The following RNF180 variants were observed in gnomAD, a reference collection of about 807,000 sequenced individuals.
RNF180 encodes E3 ubiquitin-protein ligase RNF180.
Under a neutral mutation model 59.2 loss-of-function variants are expected in RNF180, and 38 were observed. The observed-to-expected ratio is 0.64, with a 90% CI of 0.50 to 0.84. The LOEUF is 0.84. RNF180 is among the 40% of genes least tolerant of loss of function. The probability of loss-of-function intolerance (pLI) is 0.00; values close to 1 mark genes in which losing one functional copy is unlikely to be tolerated. For synonymous variants in RNF180, 262 were observed against 240.3 expected, an observed-to-expected ratio of 1.09 and a Z score of -0.84; for missense variants, 705 against 700.9, an observed-to-expected ratio of 1.01 and a Z score of -0.07.
At chr5:64,348,302 A>G (rs1433326872) in intron 7 of RNF180, among the ~76,000 whole-genome samples, 1 of 152,082 alleles carries the variant, frequency 6.6e-6, no homozygotes, top group African/African-American at 2.4e-5. Flanking sequence ...AAGCTATAGG[A>G]TAATTTCTAA....
intron 5 of RNF180, among the ~76,000 whole-genome samples, chr5:64,234,685 C>T (rs752976923): frequency 4.2e-5 from 6 of 142,802 alleles, no homozygotes; most frequent in Admixed American, 7.1e-5. Flanking sequence ...CTGCAAGCTC[C>T]GCCTCCCGGG....
rs1216702823 is a variant in RNF180 at position 64,371,405 on chromosome 5, TC to T, written c.*1593del. ...TTAAGAACTTTAAATTGCAGCCATT[TC>T]CTAGGCAACTTCTGGTTTATACACT... On this transcript the variant is annotated 3_prime_UTR_variant, in exon 8 of 8. Transcript: ENST00000389100. The T allele has an allele frequency of 6.6e-6, 1 of 151,686 alleles. No homozygotes were observed. The highest frequency in any genetic ancestry group is 1.5e-5 in the Non-Finnish European group (1 of 67,708). The allele number at this position is 151,686 out of a possible 1,614,324, so 9.4% of individuals were successfully genotyped here. A position where few individuals can be genotyped will look rare whatever the true frequency, so the allele number is the denominator to read the frequency against.
intron 5 of RNF180, among the ~76,000 whole-genome samples, chr5:64,220,993 T>A (rs1741295489): frequency 6.6e-6 from 1 of 152,082 alleles, no homozygotes; most frequent in Non-Finnish European, 1.5e-5. Context: ...CTTATTTGGT[T>A]TTATCTAGCA....
chr5:64,369,259 G>A (rs1164080347), intron 7 of RNF180, among the ~76,000 whole-genome samples: 10 of 151,906 alleles, frequency 6.6e-5, no homozygotes, highest in East Asian at 5.9e-4. Context: ...GAATCGAACA[G>A]TGAGAACACA....
At chr5:64,351,215 T>C (rs894179486) in intron 7 of RNF180, among the ~76,000 whole-genome samples, 5 of 152,300 alleles carry the variant, frequency 3.3e-5, no homozygotes, top group South Asian at 2.1e-4. Context: ...TTGTCTGTTA[T>C]TGGTGTATAA....
intron 1 of RNF180, among the ~76,000 whole-genome samples, chr5:64,174,504 T>C (rs1176740628): frequency 6.6e-6 from 1 of 152,150 alleles, no homozygotes; most frequent in African/African-American, 2.4e-5. Context: ...GCCATTCTAA[T>C]TGGGGTGAGA....
chr5:64,270,333 C>T (rs1332913871), intron 5 of RNF180, among the ~76,000 whole-genome samples: 1 of 152,046 alleles, frequency 6.6e-6, no homozygotes, highest in Non-Finnish European at 1.5e-5. Context: ...ATTTGCTGGA[C>T]CAGGAAAAGG....
chr5:64,306,601 T>G lies in RNF180; in HGVS notation c.1228-18585T>G, dbSNP rs539124965. 2.0e-5 allele frequency among the ~76,000 whole-genome samples: 3 copies of G among 150,774 alleles called. No homozygotes were observed. The South Asian group carries it at 6.3e-4, about 32-fold the overall frequency. On this transcript the variant is annotated intron_variant, in intron 5 of 7. Transcript: ENST00000389100. The stretch of plus-strand genomic sequence containing the variant: ...AATGTCCAACAATGATAGACTGGAG[T>G]AAGAAAACATGGCACATACACACCA...
At chr5:64,205,865 C>T (rs556826230) in intron 2 of RNF180, among the ~76,000 whole-genome samples, 3 of 150,626 alleles carry the variant, frequency 2.0e-5, no homozygotes, top group Middle Eastern at 6.8e-3. Context: ...GGAACACTTA[C>T]AGGATAGACA....
intron 1 of RNF180, among the ~76,000 whole-genome samples, chr5:64,176,579 T>C (rs1750248718): frequency 6.6e-6 from 1 of 152,170 alleles, no homozygotes; most frequent in Non-Finnish European, 1.5e-5. Context: ...CTGAGTTTCA[T>C]AAAAAAGCTG....
At chr5:64,344,804 C>A (rs760769580) in intron 7 of RNF180, among the ~76,000 whole-genome samples, 16 of 151,850 alleles carry the variant, frequency 1.1e-4, no homozygotes, top group South Asian at 2.1e-4. Flanking sequence ...AGTAACCTGT[C>A]ATACATTTCT....
chr5:64,311,925 A>G (rs1485449114), intron 5 of RNF180, among the ~76,000 whole-genome samples: 1 of 151,946 alleles, frequency 6.6e-6, no homozygotes, highest in Non-Finnish European at 1.5e-5. Flanking sequence ...TGGATATCCG[A>G]TATTATGCAA....
chr5:64,177,635 A>G (rs1353464382), intron 1 of RNF180, among the ~76,000 whole-genome samples: 2 of 150,118 alleles, frequency 1.3e-5, no homozygotes, highest in African/African-American at 2.4e-5. Flanking sequence ...ATGTCAGCTT[A>G]TAAGGTTAGA....
At chr5:64,189,187 C>T (rs1390580276) in intron 1 of RNF180, among the ~76,000 whole-genome samples, 1 of 151,956 alleles carries the variant, frequency 6.6e-6, no homozygotes, top group East Asian at 1.9e-4. Context: ...GCCACCCAGT[C>T]TATGGTATTG....
In RNF180 at chr5:64,371,884, C is replaced by A. The variant is rs1234109668; in HGVS notation, c.*2070C>A. The A allele has an allele frequency of 6.6e-6, 1 of 151,470 alleles. No individual in the cohort carries two copies. Among genetic ancestry groups the A allele is most frequent in the South Asian group, 2.1e-4 (1 of 4,818 alleles). 9.4% of individuals were successfully genotyped at this position (151,470 alleles called of 1,614,324 possible). On this transcript the variant is annotated 3_prime_UTR_variant, in exon 8 of 8. Transcript: ENST00000389100. ...AGATAAAATCTCAGATGGAAAGAAA[C>A]CAGTTTCTTCTGGTATGTAGCACAC...
At chr5:64,282,894 C>G (rs140372457) in intron 5 of RNF180, among the ~76,000 whole-genome samples, 1 of 152,084 alleles carries the variant, frequency 6.6e-6, no homozygotes. Flanking sequence ...TCAGTTTCTT[C>G]AATTTGAGAA....
chr5:64,250,954 C>T (rs1743534813), intron 5 of RNF180, among the ~76,000 whole-genome samples: 1 of 152,004 alleles, frequency 6.6e-6, no homozygotes, highest in Non-Finnish European at 1.5e-5. Flanking sequence ...ATGCAAAAAT[C>T]CTCAGTAAAA....
At chr5:64,310,458 C>T (rs1295526837) in intron 5 of RNF180, among the ~76,000 whole-genome samples, 2 of 150,858 alleles carry the variant, frequency 1.3e-5, no homozygotes, top group African/African-American at 2.4e-5. Flanking sequence ...TCAGTCTCCT[C>T]ACTGCTAAAC....
intron 7 of RNF180, among the ~76,000 whole-genome samples, chr5:64,358,134 G>C (rs1461489550): frequency 1.3e-5 from 2 of 151,804 alleles, no homozygotes; most frequent in African/African-American, 2.4e-5. Flanking sequence ...TCACTGAACT[G>C]CTGGGTGCTC....
Sources: allele counts gnomAD v4.1 joint callset (sites outside exome capture counted in the v4.1 genomes callset), GRCh38; gene constraint gnomAD v4.1.1; transcripts MANE v1.5; gene names NCBI Gene and HGNC (gene_info 2026-07-23, HGNC 2026-07-21).